The following TTC7B variants were observed in gnomAD, a reference collection of about 807,000 sequenced individuals.
TTC7B encodes tetratricopeptide repeat protein 7B.
Under a neutral mutation model 106.8 loss-of-function variants are expected in TTC7B, and 28 were observed. The ratio of observed to expected loss-of-function variants is 0.26; its 90% CI spans 0.19 to 0.36. TTC7B has a LOEUF of 0.36. Among genes scored for constraint, TTC7B ranks in the 10% least tolerant of loss-of-function variants. TTC7B has a pLI of 1.00. For missense variants in TTC7B, 862 were observed against 1,076.4 expected, an observed-to-expected ratio of 0.80 and a Z score of 2.79; for synonymous variants, 405 against 430.6, an observed-to-expected ratio of 0.94 and a Z score of 0.74.
intron 7 of TTC7B, among the ~76,000 whole-genome samples, chr14:90,687,063 G>A (rs991089129): frequency 1.3e-5 from 2 of 151,298 alleles, no homozygotes; most frequent in Non-Finnish European, 2.9e-5. Flanking sequence ...GAGACAGGAA[G>A]GTGACAGCTA....
chr14:90,658,049 T>C, intron 10 of TTC7B: 1 of 495,436 alleles, frequency 2.0e-6, no homozygotes, highest in Non-Finnish European at 3.7e-6. Context: ...GTTTAAGCCA[T>C]GTCCATGACA....
chr14:90,602,692 G>C (rs1404008121), intron 17 of TTC7B, among the ~76,000 whole-genome samples: 1 of 147,114 alleles, frequency 6.8e-6, no homozygotes, highest in African/African-American at 2.5e-5. Flanking sequence ...CTAAGACCTT[G>C]TCTCAAAAAG....
chr14:90,666,961 A>T (rs1886436035), intron 9 of TTC7B, among the ~76,000 whole-genome samples: 1 of 152,024 alleles, frequency 6.6e-6, no homozygotes, highest in Non-Finnish European at 1.5e-5. Flanking sequence ...CTCAAATACT[A>T]CTCCATCTGC....
At position 90,802,958 on chromosome 14, in the gene TTC7B, C is replaced by G. The variant is rs2030365858; in HGVS notation, c.121+13217G>C. On this transcript the variant is annotated intron_variant, in intron 1 of 19. Transcript: ENST00000328459. The surrounding 1 kb of genome is among the most constrained non-coding windows in gnomAD (Gnocchi z 4.7). Reference sequence around the variant, plus strand: ...AAGTTCGAGACCAACATGGTGAAACCCCATCTCTGCTAAAAAAAAAAAAAA... The same window carrying G: ...AAGTTCGAGACCAACATGGTGAAACGCCATCTCTGCTAAAAAAAAAAAAAA... Among the ~76,000 whole-genome samples the G allele has an allele frequency of 7.2e-6, 1 of 138,080 alleles. No homozygotes were observed. The highest frequency in any genetic ancestry group is 2.4e-4 in the South Asian group (1 of 4,118). The allele number at this position is 138,080 out of a possible 152,430, so 90.6% of individuals were successfully genotyped here. A position where few individuals can be genotyped will look rare whatever the true frequency, so the allele number is the denominator to read the frequency against.
In TTC7B at chr14:90,808,121, A is replaced by C. The variant is rs1157651119; in HGVS notation, c.121+8054T>G. ...TGTGATGATTAACTGAGATCTGTGTAAAAGTTCATAGCCAGAATCTGGCAC... is the reference window on the plus strand; with the variant it reads ...TGTGATGATTAACTGAGATCTGTGTCAAAGTTCATAGCCAGAATCTGGCAC... On this transcript the variant is annotated intron_variant, in intron 1 of 19. Transcript: ENST00000328459. The surrounding 1 kb of genome is among the most constrained non-coding windows in gnomAD (Gnocchi z 4.2). Among the ~76,000 whole-genome samples, 1 of 152,228 alleles carries C rather than the reference A, an allele frequency of 6.6e-6. No homozygotes were observed. Among genetic ancestry groups the C allele is most frequent in the African/African-American group, 2.4e-5 (1 of 41,456 alleles).
intron 19 of TTC7B, among the ~76,000 whole-genome samples, chr14:90,567,965 T>A (rs1476856617): frequency 1.3e-5 from 2 of 152,162 alleles, no homozygotes; most frequent in Non-Finnish European, 2.9e-5. Flanking sequence ...AAGGTCCAGA[T>A]CACACGTGGG....
At chr14:90,559,191 T>A (rs1409673807) in intron 19 of TTC7B, among the ~76,000 whole-genome samples, 3 of 152,234 alleles carry the variant, frequency 2.0e-5, no homozygotes, top group African/African-American at 7.2e-5. Flanking sequence ...CTGCCATGTA[T>A]GGGTCAGTTA....
chr14:90,633,309 T>C (rs1957981), intron 15 of TTC7B, among the ~76,000 whole-genome samples: 13,733 of 152,272 alleles, frequency 0.09, 719 homozygotes, highest in East Asian at 0.16. Context: ...ATATGTTCTA[T>C]TTAAATAGGA....
At position 90,525,656 on chromosome 14, in the gene TTC7B, G is replaced by A. The variant is rs1202501874; in HGVS notation, c.*15712C>T. 1 of 150,186 alleles carries A rather than the reference G, an allele frequency of 6.7e-6. No homozygotes were observed. Among genetic ancestry groups the A allele is most frequent in the Non-Finnish European group, 1.5e-5 (1 of 67,602 alleles). The allele number at this position is 150,186 out of a possible 1,614,324, so 9.3% of individuals were successfully genotyped here. On this transcript the variant is annotated 3_prime_UTR_variant, in exon 20 of 20. Transcript: ENST00000328459. ...GAGCGGCGGATCTGCTCCTATAGAT[G>A]TCCAGATTGTTAGACGGTGGGCTTC... is the stretch of plus-strand genomic sequence containing the variant.
chr14:90,756,743 A>T (rs959975531), intron 3 of TTC7B, among the ~76,000 whole-genome samples: 1 of 152,160 alleles, frequency 6.6e-6, no homozygotes, highest in Non-Finnish European at 1.5e-5. Context: ...TGAGACAGAC[A>T]TGGTGTCACA....
rs376009731 is a variant in TTC7B, at chr14:90,620,954, G to A, written c.1752-2909C>T. Among the ~76,000 whole-genome samples, 29 of 152,274 alleles carry A rather than the reference G, an allele frequency of 1.9e-4. No homozygotes were observed. The South Asian group carries it at 3.5e-3, about 19-fold the overall frequency. ...GGTAGAGTGGCTGAGCACAAACGAT[G>A]GAAAAAAGCACTTGGAAGACCTCTC... On this transcript the variant is annotated intron_variant, in intron 15 of 19. Coordinates refer to ENST00000328459, the MANE Select transcript of TTC7B (RefSeq NM_001010854.2).
intron 15 of TTC7B, among the ~76,000 whole-genome samples, chr14:90,643,024 A>C (rs1393789127): frequency 6.6e-6 from 1 of 152,186 alleles, no homozygotes; most frequent in African/African-American, 2.4e-5. Flanking sequence ...ATATTTACTT[A>C]ATATTTTTCT....
rs1304575807 is a variant in TTC7B, at chr14:90,551,089, C to T, written c.2311-9500G>A. On this transcript the variant is annotated intron_variant, in intron 19 of 19. Coordinates refer to ENST00000328459, the MANE Select transcript of TTC7B (RefSeq NM_001010854.2). ...TACACCACAGATCTGACACTGCTCT[C>T]TAAGAAAATCCCAGAACCCACCCGC... Among the ~76,000 whole-genome samples, 4 of 152,162 alleles carry T rather than the reference C, an allele frequency of 2.6e-5. No homozygotes were observed. In the South Asian group the frequency reaches 8.3e-4, roughly 31 times the overall value.
chr14:90,767,022 A>G lies in TTC7B; in HGVS notation c.445+13716T>C, dbSNP rs1301791111. 3 of 767,406 alleles carry G rather than the reference A, an allele frequency of 3.9e-6. No homozygotes were observed. In the East Asian group the frequency reaches 8.5e-5, roughly 22 times the overall value. 47.5% of individuals were successfully genotyped at this position (767,406 alleles called of 1,614,324 possible). A position where few individuals can be genotyped will look rare whatever the true frequency, so the allele number is the denominator to read the frequency against. On this transcript the variant is annotated intron_variant, in intron 3 of 19. Transcript: ENST00000328459. ...GGCCTTGTCTGTTAATAAATAGTTT[A>G]TATACCAAAAAAAAAAAAAAAAAGA...
chr14:90,664,048 C>T (rs561614257), intron 9 of TTC7B, among the ~76,000 whole-genome samples: 1 of 152,164 alleles, frequency 6.6e-6, no homozygotes, highest in South Asian at 2.1e-4. Context: ...AGACTCCCTG[C>T]CAAAAAAATG....
chr14:90,741,043 TAC>T (rs1382507148), intron 4 of TTC7B, among the ~76,000 whole-genome samples: 1 of 152,122 alleles, frequency 6.6e-6, no homozygotes, highest in East Asian at 1.9e-4. Context: ...GATCCTGAGA[TAC>T]AGAGAGGCTG....
chr14:90,588,831 C>T (rs1035828334), intron 18 of TTC7B, among the ~76,000 whole-genome samples: 2 of 146,564 alleles, frequency 1.4e-5, no homozygotes, highest in African/African-American at 2.5e-5. Context: ...GCACAGATGC[C>T]GTAAGAAAAA....
Position 90,680,460 on chromosome 14 carries a change from C to T in TTC7B, c.1014+12G>A. ...CAGGGGAAAGAACGATGTAAAAACACATTCCACTTACCATTGATTCACTAA... is the reference window on the plus strand; with the variant it reads ...CAGGGGAAAGAACGATGTAAAAACATATTCCACTTACCATTGATTCACTAA... On this transcript the variant is annotated intron_variant, in intron 8 of 19. Coordinates refer to ENST00000328459, the MANE Select transcript of TTC7B (RefSeq NM_001010854.2). 8.7e-6 allele frequency: 14 copies of T among 1,610,986 alleles called. No homozygotes were observed. Among genetic ancestry groups the T allele is most frequent in the Non-Finnish European group, 1.2e-5 (14 of 1,177,334 alleles).
At chr14:90,701,681 A>G (rs1887989513) in intron 5 of TTC7B, among the ~76,000 whole-genome samples, 1 of 126,842 alleles carries the variant, frequency 7.9e-6, no homozygotes, top group African/African-American at 2.8e-5. Context: ...TACTCATTCC[A>G]AAAGAAACGT....
Sources: gnomAD v4.1 joint callset for allele counts (sites outside exome capture counted in the v4.1 genomes callset) on GRCh38, gnomAD v4.1.1 for gene constraint, Gnocchi (gnomAD v3.1) non-coding constraint, MANE v1.5 for transcripts, NCBI Gene and HGNC (gene_info 2026-07-23, HGNC 2026-07-21) for gene names.